The following FAM78B variants were observed in gnomAD, a reference collection of about 807,000 sequenced individuals.
FAM78B encodes the protein family with sequence similarity 78 member B, also known as protein FAM78B.
In FAM78B, 10 loss-of-function variants were observed where a neutral mutation model predicts 20.0. The ratio of observed to expected loss-of-function variants is 0.50; its 90% CI spans 0.31 to 0.85. The LOEUF (loss-of-function observed/expected upper bound fraction) is 0.85. FAM78B is among the 40% of genes least tolerant of loss of function. The pLI is 0.05. For synonymous variants in FAM78B, 135 were observed against 132.8 expected, an observed-to-expected ratio of 1.02 and a Z score of -0.12; for missense variants, 283 against 345.0, an observed-to-expected ratio of 0.82 and a Z score of 1.42.
chr1:166,074,982 C>T lies in FAM78B; in HGVS notation c.264-4219G>A, dbSNP rs546490287. ...GCATTCCAGGTGGGAGTCTGTGTCA[C>T]AGGCTAAAGTGTGATACCAAGCATG... On this transcript the variant is annotated intron_variant, in intron 1 of 1. Coordinates refer to ENST00000354422, the MANE Select transcript of FAM78B (RefSeq NM_001017961.5). Among the ~76,000 whole-genome samples the T allele has an allele frequency of 2.0e-5, 3 of 152,250 alleles. No homozygotes were observed. The South Asian group carries it at 6.2e-4, about 32-fold the overall frequency.
chr1:166,165,493 G>A (rs1656332513), intron 1 of FAM78B, among the ~76,000 whole-genome samples: 1 of 152,186 alleles, frequency 6.6e-6, no homozygotes, highest in Admixed American at 6.5e-5. Context: ...GGCAAGGACA[G>A]AACTACCAAC....
At chr1:166,130,588 T>C (rs568514506) in intron 1 of FAM78B, among the ~76,000 whole-genome samples, 2 of 152,276 alleles carry the variant, frequency 1.3e-5, no homozygotes, top group Admixed American at 6.5e-5. Context: ...GCTAACATCC[T>C]ACAATACAGA....
intron 1 of FAM78B, among the ~76,000 whole-genome samples, chr1:166,160,520 T>A (rs971432660): frequency 2.0e-5 from 3 of 152,194 alleles, no homozygotes; most frequent in African/African-American, 4.8e-5. Flanking sequence ...AAACAAACCA[T>A]CTGGTGGGGT....
At chr1:166,061,578 T>C (rs1048623506) in intron 2 of FAM78B, among the ~76,000 whole-genome samples, 1 of 152,204 alleles carries the variant, frequency 6.6e-6, no homozygotes, top group Non-Finnish European at 1.5e-5. Context: ...ACATATATAA[T>C]TGGGGACTTA....
intron 1 of FAM78B, among the ~76,000 whole-genome samples, chr1:166,118,625 A>C (rs1170408484): frequency 6.6e-6 from 1 of 152,070 alleles, no homozygotes; most frequent in Admixed American, 6.6e-5. Context: ...TCAGGCTATC[A>C]CGGCAGAGCT....
chr1:166,162,701 A>G (rs1346118813), intron 1 of FAM78B, among the ~76,000 whole-genome samples: 1 of 152,174 alleles, frequency 6.6e-6, no homozygotes, highest in African/African-American at 2.4e-5. Context: ...TCAAGATCTG[A>G]CTTTAATCTT....
At chr1:166,109,846 A>G (rs1349608169) in intron 1 of FAM78B, among the ~76,000 whole-genome samples, 1,584 of 25,780 alleles carry the variant, frequency 0.061, 301 homozygotes, top group African/African-American at 0.15. Context: ...ATATGTATAT[A>G]TATATATATA....
At chr1:166,094,615 G>A (rs898519750) in intron 1 of FAM78B, among the ~76,000 whole-genome samples, 7 of 152,228 alleles carry the variant, frequency 4.6e-5, no homozygotes, top group Non-Finnish European at 7.3e-5. Context: ...TGATAATGCA[G>A]GAGTGCCCTA....
At chr1:166,133,613 A>AAG (rs199770987) in intron 1 of FAM78B, among the ~76,000 whole-genome samples, 1 of 151,348 alleles carries the variant, frequency 6.6e-6, no homozygotes, top group Non-Finnish European at 1.5e-5. Flanking sequence ...AAAAAAAAAA[A>AAG]GAACCGTAAA....
At chr1:166,131,934 G>T (rs1654890826) in intron 1 of FAM78B, among the ~76,000 whole-genome samples, 1 of 152,128 alleles carries the variant, frequency 6.6e-6, no homozygotes, top group South Asian at 2.1e-4. Context: ...AGTGACAGTG[G>T]TGTACATGCA....
At chr1:166,109,249 C>T (rs1196547711) in intron 1 of FAM78B, among the ~76,000 whole-genome samples, 1 of 151,950 alleles carries the variant, frequency 6.6e-6, no homozygotes, top group Non-Finnish European at 1.5e-5. Flanking sequence ...AAATCTTTAC[C>T]ACCTATACAT....
chr1:166,073,912 T>C (rs1028646151), intron 1 of FAM78B, among the ~76,000 whole-genome samples: 1 of 152,188 alleles, frequency 6.6e-6, no homozygotes, highest in African/African-American at 2.4e-5. Context: ...CCTGTGAATT[T>C]TGCCCCATAA....
chr1:166,079,236 C>T (rs1278792187), intron 1 of FAM78B, among the ~76,000 whole-genome samples: 1 of 152,182 alleles, frequency 6.6e-6, no homozygotes, highest in Non-Finnish European at 1.5e-5. Flanking sequence ...TCTGGCTGGC[C>T]TTACCCTTTT....
At chr1:166,084,143 G>C (rs1172927979) in intron 1 of FAM78B, among the ~76,000 whole-genome samples, 1 of 151,160 alleles carries the variant, frequency 6.6e-6, no homozygotes, top group African/African-American at 2.4e-5. Context: ...TTTTCACAAA[G>C]AGCACCTACT....
At chr1:166,158,903 T>G (rs2101804896) in intron 1 of FAM78B, among the ~76,000 whole-genome samples, 1 of 152,384 alleles carries the variant, frequency 6.6e-6, no homozygotes, top group Admixed American at 6.5e-5. Flanking sequence ...TCCTGTTATT[T>G]ATCTTCTCAA....
At chr1:166,102,055 C>T (rs951765640) in intron 1 of FAM78B, among the ~76,000 whole-genome samples, 1 of 152,166 alleles carries the variant, frequency 6.6e-6, no homozygotes, top group African/African-American at 2.4e-5. Flanking sequence ...GGCCAATATT[C>T]AACATTCTTA....
chr1:166,159,434 G>A lies in FAM78B; in HGVS notation c.263+6552C>T, dbSNP rs567341775. On this transcript the variant is annotated intron_variant, in intron 1 of 1. Transcript: ENST00000354422. ...TCAGATGAGAGGGTCAGATGAGGGG[G>A]TCAGATGAGATCAGAATGCAGTACG... is the stretch of plus-strand genomic sequence containing the variant. Among the ~76,000 whole-genome samples the A allele has an allele frequency of 1.4e-4, 22 of 152,290 alleles. 1 individual carries two copies. In the East Asian group the frequency reaches 4.2e-3, roughly 29 times the overall value.
At position 166,070,208 on chromosome 1, in the gene FAM78B, G is replaced by A. The variant is rs773174421; in HGVS notation, c.*33C>T. On this transcript the variant is annotated 3_prime_UTR_variant, in exon 2 of 2. Transcript: ENST00000354422. Reference sequence around the variant, plus strand: ...CACCCTCACTGCATGTCTCAGAGGCGTGTGATCCACACACAGTCAGGCCAG... The same window carrying A: ...CACCCTCACTGCATGTCTCAGAGGCATGTGATCCACACACAGTCAGGCCAG... 5.0e-5 allele frequency: 75 copies of A among 1,495,352 alleles called. No individual in the cohort carries two copies. The highest frequency in any genetic ancestry group is 1.8e-4 in the Admixed American group (8 of 43,982). 92.6% of individuals were successfully genotyped at this position (1,495,352 alleles called of 1,614,324 possible). A position where few individuals can be genotyped will look rare whatever the true frequency, so the allele number is the denominator to read the frequency against.
intron 1 of FAM78B, among the ~76,000 whole-genome samples, chr1:166,136,469 A>C (rs996829630): frequency 1.3e-5 from 2 of 152,118 alleles, no homozygotes; most frequent in African/African-American, 4.8e-5. Context: ...CAGATGCCTT[A>C]TCTCTCTGCC....
Sources: gnomAD v4.1 joint callset for allele counts (sites outside exome capture counted in the v4.1 genomes callset) on GRCh38, gnomAD v4.1.1 for gene constraint, MANE v1.5 for transcripts, NCBI Gene and HGNC (gene_info 2026-07-23, HGNC 2026-07-21) for gene names.